SPIDR: variants seen among roughly 807,000 people sequenced by gnomAD.
SPIDR encodes the protein scaffold protein involved in DNA repair.
Under a neutral mutation model 104.6 loss-of-function variants are expected in SPIDR, and 93 were observed. The ratio of observed to expected loss-of-function variants is 0.89; its 90% confidence interval spans 0.75 to 1.06. SPIDR has a LOEUF of 1.06. Ranked by LOEUF, SPIDR falls within the 50% of genes least tolerant of loss-of-function variation. The pLI, the probability that SPIDR is intolerant of heterozygous loss-of-function variation, is 0.00. For synonymous variants in SPIDR, 431 were observed against 416.9 expected, an observed-to-expected ratio of 1.03 and a Z score of -0.41; for missense variants, 1,154 against 1,111.2, an observed-to-expected ratio of 1.04 and a Z score of -0.55.
rs1254872503 is a variant in SPIDR at position 47,269,787 on chromosome 8, T to C, written c.33+8796T>C. Reference sequence around the variant, plus strand: ...TTTAACTATTCTGTATGATGTTAGCTGTGGGTTCTTTGTATATACATTTTT... The same window carrying C: ...TTTAACTATTCTGTATGATGTTAGCCGTGGGTTCTTTGTATATACATTTTT... On this transcript the variant is annotated intron_variant, in intron 1 of 19. Coordinates refer to ENST00000297423, the MANE Select transcript of SPIDR (RefSeq NM_001080394.4). Among the ~76,000 whole-genome samples the C allele has an allele frequency of 2.6e-5, 4 of 152,182 alleles. No homozygotes were observed. In the East Asian group the frequency reaches 7.7e-4, roughly 29 times the overall value.
chr8:47,538,947 G>A (rs1316025023), intron 8 of SPIDR, among the ~76,000 whole-genome samples: 1 of 137,248 alleles, frequency 7.3e-6, no homozygotes, highest in South Asian at 2.4e-4. Context: ...TGCAACCTCC[G>A]CTTCCCAGGT....
chr8:47,317,064 G>C (rs2045506105), intron 5 of SPIDR, among the ~76,000 whole-genome samples: 1 of 152,136 alleles, frequency 6.6e-6, no homozygotes. Context: ...TTCCAACTAA[G>C]GTACTGGGTT....
chr8:47,487,584 A>G (rs1304938529), intron 8 of SPIDR, among the ~76,000 whole-genome samples: 3 of 152,194 alleles, frequency 2.0e-5, no homozygotes, highest in African/African-American at 7.2e-5. Flanking sequence ...ACTTACTCCA[A>G]AATTGACCAC....
At chr8:47,313,669 A>T (rs1480780801) in intron 5 of SPIDR, among the ~76,000 whole-genome samples, 1 of 152,238 alleles carries the variant, frequency 6.6e-6, no homozygotes, top group Admixed American at 6.5e-5. Context: ...ACTATACTAC[A>T]AGGCTACAGT....
intron 8 of SPIDR, among the ~76,000 whole-genome samples, chr8:47,454,070 A>G (rs574151788): frequency 2.9e-4 from 44 of 152,292 alleles, no homozygotes; most frequent in African/African-American, 1.0e-3. Context: ...ACAGTGCAGC[A>G]ATTCCTCAAG....
intron 5 of SPIDR, among the ~76,000 whole-genome samples, chr8:47,344,580 C>T (rs1323336641): frequency 1.3e-5 from 2 of 152,220 alleles, no homozygotes; most frequent in Non-Finnish European, 2.9e-5. Flanking sequence ...TTTACAGTCT[C>T]ACCAACGGTG....
rs1563840078 is a variant in SPIDR, at chr8:47,396,399, G to A, written c.549G>A (p.Glu183=). 1 of 1,608,794 alleles carries A rather than the reference G, an allele frequency of 6.2e-7. No homozygotes were observed. The highest frequency in any genetic ancestry group is 1.1e-5 in the South Asian group (1 of 90,844). Residue 183 remains glutamate, a synonymous_variant, in exon 6 of 20, where the codon GAG becomes GAA. Transcript: ENST00000297423. ...LPKPSSIEIL[E]YSSDSEKEDD... Reference sequence around the variant, plus strand: ...AGCCAAGTTCTATAGAAATTTTAGAGTATTCATCAGATAGTGAAAAAGAAG... The same window carrying A: ...AGCCAAGTTCTATAGAAATTTTAGAATATTCATCAGATAGTGAAAAAGAAG...
chr8:47,706,953 A>G (rs1480301969), intron 14 of SPIDR, among the ~76,000 whole-genome samples: 3 of 151,824 alleles, frequency 2.0e-5, no homozygotes, highest in African/African-American at 4.8e-5. Flanking sequence ...CTCCGTCTCT[A>G]TTTAAATTTT....
At chr8:47,420,120 G>A (rs1393587589) in intron 7 of SPIDR, among the ~76,000 whole-genome samples, 4 of 152,178 alleles carry the variant, frequency 2.6e-5, no homozygotes, top group African/African-American at 4.8e-5. Flanking sequence ...TTCTGTAGAT[G>A]TCTATTAGGT....
intron 10 of SPIDR, among the ~76,000 whole-genome samples, chr8:47,615,391 G>A (rs539842893): frequency 1.3e-5 from 2 of 151,844 alleles, no homozygotes; most frequent in South Asian, 4.2e-4. Flanking sequence ...AGGTATTGGG[G>A]ACATTTTAAA....
intron 5 of SPIDR, among the ~76,000 whole-genome samples, chr8:47,303,526 T>C (rs957450400): frequency 4.6e-5 from 7 of 152,222 alleles, no homozygotes; most frequent in African/African-American, 1.7e-4. Flanking sequence ...TCACCCGTCT[T>C]CTGCGTCACT....
chr8:47,685,544 G>A (rs1038273048), intron 11 of SPIDR, among the ~76,000 whole-genome samples: 3 of 132,510 alleles, frequency 2.3e-5, no homozygotes, highest in South Asian at 2.3e-4. Context: ...TCTCTCTGTC[G>A]CCCAGGCTGG....
intron 8 of SPIDR, among the ~76,000 whole-genome samples, chr8:47,448,983 C>T (rs1348191586): frequency 2.6e-5 from 4 of 151,970 alleles, no homozygotes; most frequent in Non-Finnish European, 4.4e-5. Flanking sequence ...CTGAGATTTA[C>T]AGGAGAGACA....
chr8:47,468,015 G>C (rs2075162604), intron 8 of SPIDR, among the ~76,000 whole-genome samples: 1 of 152,128 alleles, frequency 6.6e-6, no homozygotes, highest in South Asian at 2.1e-4. Context: ...CAAAGTCTCA[G>C]GATGCAAAAT....
At chr8:47,460,082 ATACAC>A (rs1283234655) in intron 8 of SPIDR, among the ~76,000 whole-genome samples, 1 of 152,200 alleles carries the variant, frequency 6.6e-6, no homozygotes. Flanking sequence ...AGAAAGTTCC[ATACAC>A]TGATGAATAG....
intron 8 of SPIDR, among the ~76,000 whole-genome samples, chr8:47,480,582 A>G (rs2076793382): frequency 6.6e-6 from 1 of 152,180 alleles, no homozygotes. Flanking sequence ...AGAATGGTGA[A>G]CAGCTTCGTT....
At chr8:47,308,359 G>A (rs1234630293) in intron 5 of SPIDR, among the ~76,000 whole-genome samples, 2 of 150,364 alleles carry the variant, frequency 1.3e-5, no homozygotes, top group African/African-American at 2.5e-5. Context: ...TACCATGCCC[G>A]GCCTGCTGTT....
At chr8:47,576,006 A>C (rs2059081716) in intron 8 of SPIDR, among the ~76,000 whole-genome samples, 1 of 149,640 alleles carries the variant, frequency 6.7e-6, no homozygotes, top group Admixed American at 6.6e-5. Context: ...TTTAATTTGT[A>C]GTTAAGTGAT....
rs139502848 is a variant in SPIDR at position 47,435,502 on chromosome 8, A to G, written c.878-4821A>G. Among the ~76,000 whole-genome samples the G allele has an allele frequency of 5.5e-4, 84 of 152,318 alleles. 1 individual carries two copies. The highest frequency in any genetic ancestry group is 1.9e-3 in the African/African-American group (78 of 41,580). ...AAGAATTATGTTTCATCTGCTAGGC[A>G]TATGCATGGATAGAAATTACTAGAT... On this transcript the variant is annotated intron_variant, in intron 7 of 19. Coordinates refer to ENST00000297423, the MANE Select transcript of SPIDR (RefSeq NM_001080394.4).
Sources: allele counts gnomAD v4.1 joint callset (sites outside exome capture counted in the v4.1 genomes callset), GRCh38; gene constraint gnomAD v4.1.1; transcripts MANE v1.5; gene names NCBI Gene and HGNC (gene_info 2026-07-23, HGNC 2026-07-21).